The following BCAR3 variants were observed in gnomAD, a reference collection of about 807,000 sequenced individuals.
The protein encoded by BCAR3 is breast cancer anti-estrogen resistance protein 3.
In BCAR3, 37 loss-of-function variants were observed where a neutral mutation model predicts 80.1. The ratio of observed to expected loss-of-function variants is 0.46; its 90% CI spans 0.36 to 0.61. The LOEUF (loss-of-function observed/expected upper bound fraction) is 0.61, where lower values mean the gene tolerates loss of function less well. BCAR3 is among the 20% of genes least tolerant of loss of function. The pLI is 0.00. For synonymous variants in BCAR3, 389 were observed against 418.9 expected (o/e 0.93, Z 0.87); for missense variants, 978 against 1,068.2 (o/e 0.92, Z 1.18).
intron 2 of BCAR3, among the ~76,000 whole-genome samples, chr1:93,824,869 G>A (rs1419095068): frequency 7.5e-6 from 1 of 134,056 alleles, no homozygotes; most frequent in African/African-American, 2.5e-5. Context: ...ACTTTGTTCT[G>A]TGTGCCCAGG....
At chr1:93,583,120 G>A (rs1054098826) in intron 6 of BCAR3, among the ~76,000 whole-genome samples, 167 bp from the exon 7 acceptor site, 15 of 152,146 alleles carry the variant, frequency 9.9e-5, no homozygotes, top group Non-Finnish European at 4.4e-5. Context: ...CCCAATCTCA[G>A]GGAGTCTACA....
chr1:93,568,902 A>G (rs1673088412), intron 9 of BCAR3, among the ~76,000 whole-genome samples: 1 of 152,150 alleles, frequency 6.6e-6, no homozygotes, highest in South Asian at 2.1e-4. Flanking sequence ...AGCTCACTGT[A>G]GCCTCAACCT....
At chr1:93,574,948 T>G (rs186027044) in intron 8 of BCAR3, among the ~76,000 whole-genome samples, 1 of 152,232 alleles carries the variant, frequency 6.6e-6, no homozygotes, top group Non-Finnish European at 1.5e-5. Context: ...TTCTATGGGA[T>G]GTATCCACGG....
chr1:93,808,156 T>C (rs1386351063), intron 2 of BCAR3, among the ~76,000 whole-genome samples: 1 of 151,850 alleles, frequency 6.6e-6, no homozygotes, highest in Non-Finnish European at 1.5e-5. Flanking sequence ...GAGAGAGACC[T>C]TAAGTCTGCT....
chr1:93,649,263 G>A (rs1557639470), intron 2 of BCAR3, among the ~76,000 whole-genome samples: 1 of 152,192 alleles, frequency 6.6e-6, no homozygotes, highest in Non-Finnish European at 1.5e-5. Context: ...GACATCTTGA[G>A]TGCTGGGTCT....
intron 3 of BCAR3, among the ~76,000 whole-genome samples, chr1:93,697,870 C>T (rs1649474607): frequency 6.6e-6 from 1 of 152,076 alleles, no homozygotes; most frequent in African/African-American, 2.4e-5. Context: ...CCCAGCTACT[C>T]GGGAGGCTAA....
intron 3 of BCAR3, among the ~76,000 whole-genome samples, chr1:93,614,999 G>A (rs1026466070): frequency 4.1e-5 from 6 of 147,116 alleles, no homozygotes; most frequent in East Asian, 2.0e-4. Flanking sequence ...GATGCTCAAC[G>A]AGTTCTTTTT....
intron 3 of BCAR3, among the ~76,000 whole-genome samples, chr1:93,621,474 T>G (rs1675308665): frequency 1.3e-5 from 2 of 152,092 alleles, no homozygotes; most frequent in Admixed American, 6.6e-5. Flanking sequence ...CAGTGGCATG[T>G]AGGAAGGGAG....
At chr1:93,632,446 G>A (rs1190942312) in intron 3 of BCAR3, among the ~76,000 whole-genome samples, 1 of 152,194 alleles carries the variant, frequency 6.6e-6, no homozygotes, top group African/African-American at 2.4e-5. Context: ...TTCTGGCCTA[G>A]CAACATGCAC....
At chr1:93,778,976 A>G (rs1286853681) in intron 2 of BCAR3, among the ~76,000 whole-genome samples, 1 of 152,060 alleles carries the variant, frequency 6.6e-6, no homozygotes, top group South Asian at 2.1e-4. Context: ...TAGGAGCTCA[A>G]TTTTCTGATA....
chr1:93,818,858 G>C (rs893877895), intron 2 of BCAR3, among the ~76,000 whole-genome samples: 4 of 152,130 alleles, frequency 2.6e-5, no homozygotes, highest in African/African-American at 9.7e-5. Context: ...ACAGCCCCAT[G>C]GGTCAGTAAT....
At chr1:93,750,463 G>A (rs904868769) in intron 2 of BCAR3, among the ~76,000 whole-genome samples, 5 of 152,222 alleles carry the variant, frequency 3.3e-5, no homozygotes, top group Non-Finnish European at 5.9e-5. Flanking sequence ...ATTTTCTATA[G>A]TCACTATGAC....
At chr1:93,679,485 T>C (rs956373314) in intron 1 of BCAR3, among the ~76,000 whole-genome samples, 1 of 152,232 alleles carries the variant, frequency 6.6e-6, no homozygotes, top group Non-Finnish European at 1.5e-5. Flanking sequence ...TGAGCCTACA[T>C]GCAGTCTTTA....
intron 2 of BCAR3, among the ~76,000 whole-genome samples, chr1:93,818,181 G>C (rs753143821): frequency 5.9e-5 from 9 of 152,210 alleles, no homozygotes; most frequent in Non-Finnish European, 1.0e-4. Context: ...TGTACTTTGT[G>C]ACAGTTTTCT....
chr1:93,692,739 T>C (rs1649239788), intron 3 of BCAR3, among the ~76,000 whole-genome samples: 1 of 151,896 alleles, frequency 6.6e-6, no homozygotes, highest in African/African-American at 2.4e-5. Context: ...TTCCTCAGAG[T>C]GAGTGGGAGA....
chr1:93,686,849 CA>C (rs1557654418), intron 3 of BCAR3, among the ~76,000 whole-genome samples: 1 of 152,156 alleles, frequency 6.6e-6, no homozygotes, highest in Admixed American at 6.5e-5. Context: ...CTTTGTGAGT[CA>C]AAGAGGGTAG....
At chr1:93,718,570 A>G (rs1261190055) in intron 2 of BCAR3, among the ~76,000 whole-genome samples, 1 of 152,132 alleles carries the variant, frequency 6.6e-6, no homozygotes, top group Non-Finnish European at 1.5e-5. Flanking sequence ...TGGAGATGAT[A>G]GCTACATTAA....
chr1:93,682,556 T>C (rs1180608770), upstream of BCAR3, among the ~76,000 whole-genome samples: 1 of 152,146 alleles, frequency 6.6e-6, no homozygotes, highest in Non-Finnish European at 1.5e-5. Context: ...CAATTCCAGA[T>C]GGAATTTTTC....
intron 2 of BCAR3, among the ~76,000 whole-genome samples, chr1:93,817,851 G>C (rs994814934): frequency 1.3e-5 from 2 of 152,110 alleles, no homozygotes; most frequent in African/African-American, 4.8e-5. Context: ...TTTTTGCCAA[G>C]GGGCTCTCCT....
Sources: allele counts gnomAD v4.1 joint callset (sites outside exome capture counted in the v4.1 genomes callset), GRCh38; gene constraint gnomAD v4.1.1; transcripts MANE v1.5; gene names NCBI Gene and HGNC (gene_info 2026-07-23, HGNC 2026-07-21).